LDB2: variants seen among roughly 807,000 people sequenced by gnomAD.
LDB2 encodes LIM domain-binding protein 2.
A neutral mutation model predicts 44.3 loss-of-function variants in LDB2; 12 were observed. The ratio of observed to expected loss-of-function variants is 0.27; its 90% CI spans 0.17 to 0.44. The LOEUF is 0.44. Ranked by LOEUF, LDB2 falls within the 20% of genes least tolerant of loss-of-function variation. LDB2 has a pLI of 1.00. For missense variants in LDB2, 344 were observed against 473.5 expected (o/e 0.73, Z 2.54); for synonymous variants, 164 against 174.8 (o/e 0.94, Z 0.49).
chr4:16,885,154 TAAAAAAAAAA>T (rs57704740), intron 1 of LDB2, among the ~76,000 whole-genome samples: 22 of 94,836 alleles, frequency 2.3e-4, no homozygotes, highest in African/African-American at 9.3e-4. Context: ...ATACCACTTC[TAAAAAAAAAA>T]AAAAAAAAAA....
chr4:16,663,406 C>T (rs967203319), intron 2 of LDB2, among the ~76,000 whole-genome samples: 2 of 152,164 alleles, frequency 1.3e-5, no homozygotes, highest in Non-Finnish European at 2.9e-5. Context: ...AAGAGAGGCT[C>T]ATAATTGGCA....
At chr4:16,801,025 C>G (rs151077703) in intron 1 of LDB2, among the ~76,000 whole-genome samples, 1 of 152,322 alleles carries the variant, frequency 6.6e-6, no homozygotes, top group East Asian at 1.9e-4. Flanking sequence ...CCATGGGACA[C>G]TGTCCCCATA....
At chr4:16,599,478 A>G (rs902937604) in intron 2 of LDB2, among the ~76,000 whole-genome samples, 1 of 152,112 alleles carries the variant, frequency 6.6e-6, no homozygotes, top group Non-Finnish European at 1.5e-5. Context: ...CAAGATCCTT[A>G]ACTTATCAGA....
chr4:16,876,751 A>G (rs1718508720), intron 1 of LDB2, among the ~76,000 whole-genome samples: 1 of 152,126 alleles, frequency 6.6e-6, no homozygotes, highest in Non-Finnish European at 1.5e-5. Context: ...ACTGATCCCT[A>G]CCAACAGTAA....
At chr4:16,713,252 C>G (rs57734013) in intron 2 of LDB2, among the ~76,000 whole-genome samples, 1 of 151,980 alleles carries the variant, frequency 6.6e-6, no homozygotes, top group Non-Finnish European at 1.5e-5. Flanking sequence ...ATTCTAAAAC[C>G]GAATTGTGGT....
chr4:16,867,075 G>T lies in LDB2; in HGVS notation c.132+31279C>A, dbSNP rs573388418. Among the ~76,000 whole-genome samples, 4 of 152,308 alleles carry T rather than the reference G, an allele frequency of 2.6e-5. No individual in the cohort carries two copies. In the East Asian group the frequency reaches 7.7e-4, roughly 29 times the overall value. On this transcript the variant is annotated intron_variant, in intron 1 of 7. Transcript: ENST00000304523. ...CTGCTGTCTGGCACAGCGTCTCTCA[G>T]AGGCTTAGCCCTTGGAACCCAGCCT...
At chr4:16,807,055 G>C (rs1025747558) in intron 1 of LDB2, among the ~76,000 whole-genome samples, 8 of 152,208 alleles carry the variant, frequency 5.3e-5, no homozygotes, top group Admixed American at 3.3e-4. Flanking sequence ...GAGCTGATCA[G>C]TCCCATCCTG....
At chr4:16,528,190 G>C (rs749133796) in intron 5 of LDB2, among the ~76,000 whole-genome samples, 4 of 152,102 alleles carry the variant, frequency 2.6e-5, no homozygotes, top group African/African-American at 9.7e-5. Context: ...TGATACAATG[G>C]ACTTTGGGGA....
chr4:16,825,503 A>T (rs1404377550), intron 1 of LDB2, among the ~76,000 whole-genome samples: 1 of 152,204 alleles, frequency 6.6e-6, no homozygotes, highest in Non-Finnish European at 1.5e-5. Flanking sequence ...ATGCGGGTAA[A>T]GAAGAAAAGT....
chr4:16,868,613 TCTC>T (rs1715465237), intron 1 of LDB2, among the ~76,000 whole-genome samples: 2 of 152,188 alleles, frequency 1.3e-5, no homozygotes, highest in South Asian at 4.1e-4. Flanking sequence ...TGGATTTGTC[TCTC>T]CTCCTCTTTC....
intron 2 of LDB2, among the ~76,000 whole-genome samples, chr4:16,630,336 T>A (rs893831794): frequency 2.6e-5 from 4 of 152,198 alleles, no homozygotes; most frequent in Non-Finnish European, 5.9e-5. Context: ...CCAGCCAAAC[T>A]AAGCTTCATA....
intron 5 of LDB2, among the ~76,000 whole-genome samples, chr4:16,561,801 G>A (rs11931201): frequency 0.01 from 1,534 of 152,232 alleles, 24 homozygotes; most frequent in African/African-American, 0.034. Flanking sequence ...GAGGCATCAC[G>A]CTACCTGACT....
At chr4:16,513,335 C>T (rs1168888222) in intron 5 of LDB2, among the ~76,000 whole-genome samples, 1 of 152,198 alleles carries the variant, frequency 6.6e-6, no homozygotes, top group Non-Finnish European at 1.5e-5. Context: ...CCCACACAGG[C>T]TGAGCTGCGT....
At chr4:16,733,574 G>A (rs1480491371) in intron 2 of LDB2, among the ~76,000 whole-genome samples, 2 of 152,180 alleles carry the variant, frequency 1.3e-5, no homozygotes, top group African/African-American at 4.8e-5. Context: ...TCATGTCTGT[G>A]CCTCAAAGGG....
At chr4:16,639,317 G>T (rs548172868) in intron 2 of LDB2, among the ~76,000 whole-genome samples, 1 of 152,178 alleles carries the variant, frequency 6.6e-6, no homozygotes, top group East Asian at 1.9e-4. Flanking sequence ...TAGCATGGGC[G>T]TGACTTGGCT....
At chr4:16,641,028 G>A (rs923346035) in intron 2 of LDB2, among the ~76,000 whole-genome samples, 25 of 152,122 alleles carry the variant, frequency 1.6e-4, no homozygotes, top group Non-Finnish European at 3.5e-4. Context: ...AATGATGGTG[G>A]GAAGTTGAAA....
chr4:16,522,901 G>A (rs192812617), intron 5 of LDB2, among the ~76,000 whole-genome samples: 4 of 152,258 alleles, frequency 2.6e-5, no homozygotes, highest in Admixed American at 6.5e-5. Context: ...AAACATCTGC[G>A]GAGTGCTGTG....
intron 1 of LDB2, among the ~76,000 whole-genome samples, chr4:16,825,829 C>T (rs1244936580): frequency 6.6e-6 from 1 of 152,030 alleles, no homozygotes; most frequent in Admixed American, 6.6e-5. Context: ...CAAATTCTTT[C>T]CCATAATGGT....
intron 1 of LDB2, among the ~76,000 whole-genome samples, chr4:16,784,903 T>C (rs1774059293): frequency 6.6e-6 from 1 of 152,124 alleles, no homozygotes; most frequent in Non-Finnish European, 1.5e-5. Flanking sequence ...TCCCTGGGTG[T>C]AGACTGTCGA....
Sources: gnomAD v4.1 joint callset for allele counts (sites outside exome capture counted in the v4.1 genomes callset) on GRCh38, gnomAD v4.1.1 for gene constraint, MANE v1.5 for transcripts, NCBI Gene and HGNC (gene_info 2026-07-23, HGNC 2026-07-21) for gene names.